The following AP1AR variants were observed in gnomAD, a reference collection of about 807,000 sequenced individuals.
The protein encoded by AP1AR is adaptor related protein complex 1 associated regulatory protein, also known as AP-1 complex-associated regulatory protein.
AP1AR carries 29 observed loss-of-function variants against 46.3 expected under a neutral mutation model. The observed-to-expected ratio is 0.63, with a 90% CI of 0.47 to 0.85. The LOEUF is 0.85. Ranked by LOEUF, AP1AR falls within the 40% of genes least tolerant of loss-of-function variation. The pLI, the probability that AP1AR is intolerant of heterozygous loss-of-function variation, is 0.00. For missense variants in AP1AR, 357 were observed against 356.3 expected (o/e 1.00, Z -0.02); for synonymous variants, 122 against 122.9 (o/e 0.99, Z 0.05).
chr4:112,260,748 C>A lies in AP1AR; in HGVS notation c.186-18C>A. Reference sequence around the variant, plus strand: ...AGTTTTTGTTTTTTCTTTTTCTCCTCCTCCTTTTTTTCTCTAGGCCTCTTA... The same window carrying A: ...AGTTTTTGTTTTTTCTTTTTCTCCTACTCCTTTTTTTCTCTAGGCCTCTTA... On this transcript the variant is annotated intron_variant, in intron 4 of 9. Transcript: ENST00000274000. The A allele has an allele frequency of 6.6e-7, 1 of 1,514,448 alleles. No homozygotes were observed. The highest frequency in any genetic ancestry group is 8.9e-7 in the Non-Finnish European group (1 of 1,120,086). 93.8% of individuals were successfully genotyped at this position (1,514,448 alleles called of 1,614,324 possible). A position where few individuals can be genotyped will look rare whatever the true frequency, so the allele number is the denominator to read the frequency against.
chr4:112,251,734 G>C (rs1345414952), intron 1 of AP1AR, among the ~76,000 whole-genome samples: 1 of 152,180 alleles, frequency 6.6e-6, no homozygotes, highest in Non-Finnish European at 1.5e-5. Context: ...AGAGAGAAGA[G>C]TGGAGGCACT....
At chr4:112,255,249 G>A (rs1041620239) in intron 3 of AP1AR, among the ~76,000 whole-genome samples, 8 of 150,438 alleles carry the variant, frequency 5.3e-5, no homozygotes, top group East Asian at 2.0e-4. Context: ...GTGAGCCACC[G>A]CGCCCAGCCA....
intron 4 of AP1AR, among the ~76,000 whole-genome samples, chr4:112,259,078 A>C (rs1726330945): frequency 6.6e-6 from 1 of 152,200 alleles, no homozygotes; most frequent in South Asian, 2.1e-4. Context: ...AAGAAGAACC[A>C]GGAGAGCTTG....
chr4:112,257,726 T>C, intron 3 of AP1AR, 46 bp from the exon 4 acceptor site: 2 of 1,413,878 alleles, frequency 1.4e-6, no homozygotes, highest in South Asian at 2.6e-5. Flanking sequence ...TTAAATAGAA[T>C]TTAGCTAATG....
chr4:112,249,773 G>A lies in AP1AR; in HGVS notation c.84-3435G>A, dbSNP rs11940354. On this transcript the variant is annotated intron_variant, in intron 1 of 9. Transcript: ENST00000274000. ...TGTGCCAGTCAGCGTGGCCATTACTGAAAAGTTAAAAAGCAATAGATGTTG... is the reference window on the plus strand; with the variant it reads ...TGTGCCAGTCAGCGTGGCCATTACTAAAAAGTTAAAAAGCAATAGATGTTG... Among the ~76,000 whole-genome samples the A allele has an allele frequency of 8.4e-3, 1,284 of 152,216 alleles. 14 individuals are homozygous for A. Among genetic ancestry groups the A allele is most frequent in the African/African-American group, 0.029 (1,198 of 41,516 alleles).
intron 1 of AP1AR, among the ~76,000 whole-genome samples, chr4:112,252,518 A>C (rs956459394): frequency 1.3e-5 from 2 of 152,258 alleles, no homozygotes; most frequent in Non-Finnish European, 2.9e-5. Context: ...TGTAGTACTT[A>C]GAATGTAGAC....
intron 3 of AP1AR, 43 bp downstream of exon 3, chr4:112,254,816 T>A: frequency 9.4e-7 from 1 of 1,066,986 alleles, no homozygotes; most frequent in Non-Finnish European, 1.3e-6. Context: ...TTTGTTTTTC[T>A]CATTAATCGT....
intron 8 of AP1AR, among the ~76,000 whole-genome samples, chr4:112,266,141 T>C (rs1329516266): frequency 6.6e-6 from 1 of 151,828 alleles, no homozygotes; most frequent in Non-Finnish European, 1.5e-5. Context: ...TTTTTACTTA[T>C]TACAGATTGA....
At chr4:112,255,054 G>A (rs945986075) in intron 3 of AP1AR, among the ~76,000 whole-genome samples, 4 of 151,458 alleles carry the variant, frequency 2.6e-5, no homozygotes, top group South Asian at 2.1e-4. Flanking sequence ...TCCGCCTCCC[G>A]GGTCACGCCA....
intron 6 of AP1AR, among the ~76,000 whole-genome samples, chr4:112,264,178 C>G (rs1051389139): frequency 8.6e-5 from 13 of 151,808 alleles, no homozygotes; most frequent in Non-Finnish European, 1.0e-4. Context: ...TAACTTTTAC[C>G]TTCTACTAAG....
rs1362694051 is a variant in AP1AR, at chr4:112,271,612, G to T, written c.*3203G>T. Reference sequence around the variant, plus strand: ...ATGTCTGACAGCCAGCCTAGTAGCTGCAAGTGCCCTTAACTATAACTTCTT... The same window carrying T: ...ATGTCTGACAGCCAGCCTAGTAGCTTCAAGTGCCCTTAACTATAACTTCTT... On this transcript the variant is annotated 3_prime_UTR_variant, in exon 10 of 10. Transcript: ENST00000274000. Among the ~76,000 whole-genome samples, 1 of 152,220 alleles carries T rather than the reference G, an allele frequency of 6.6e-6. No homozygotes were observed. The highest frequency in any genetic ancestry group is 2.4e-5 in the African/African-American group (1 of 41,452).
chr4:112,241,374 A>G (rs1485798550), intron 1 of AP1AR, among the ~76,000 whole-genome samples: 1 of 152,234 alleles, frequency 6.6e-6, no homozygotes, highest in Non-Finnish European at 1.5e-5. Flanking sequence ...TCATATGATT[A>G]TGGAGATTAA....
intron 1 of AP1AR, among the ~76,000 whole-genome samples, chr4:112,233,483 C>A (rs546523723): frequency 2.6e-5 from 4 of 152,334 alleles, no homozygotes; most frequent in African/African-American, 9.6e-5. Context: ...ATGAAACTTA[C>A]AAGGTCAAGC....
intron 1 of AP1AR, 84 bp downstream of exon 1, chr4:112,232,258 C>A: frequency 8.4e-7 from 1 of 1,184,156 alleles, no homozygotes; most frequent in Non-Finnish European, 1.1e-6. Flanking sequence ...CGTCCCCCGG[C>A]GGCTGGAGGT....
chr4:112,261,962 C>T (rs1254432453), intron 5 of AP1AR, among the ~76,000 whole-genome samples: 3 of 150,302 alleles, frequency 2.0e-5, no homozygotes, highest in Non-Finnish European at 4.4e-5. Context: ...GAGCAAGACC[C>T]TGTCTCAAAA....
rs1027801658 is a variant in AP1AR at position 112,265,785 on chromosome 4, G to C, written c.492G>C (p.Gln164His). 9.9e-6 allele frequency: 16 copies of C among 1,609,366 alleles called. No individual in the cohort carries two copies. The highest frequency in any genetic ancestry group is 1.4e-5 in the Non-Finnish European group (16 of 1,177,428). ...FESCLRNMKS[Q>H]YEVFRSSRLS... ...CTTGTTTGAGAAATATGAAGTCACA[G>C]TATGAAGTTTTTCGAAGTAGTAGTA... The change falls in exon 8 of 10, where the codon CAG becomes CAC. Residue 164 changes from glutamine (Q) to histidine (H), a missense_variant. Around this residue, in one of 2 missense-constraint regions of AP1AR, gnomAD observed 269 missense variants for 223.6 expected, o/e 1.20. Coordinates refer to ENST00000274000, the MANE Select transcript of AP1AR (RefSeq NM_018569.6).
chr4:112,270,177 C>A lies in AP1AR; in HGVS notation c.*1768C>A, dbSNP rs914573996. 1.3e-5 allele frequency: 2 copies of A among 152,388 alleles called. No individual in the cohort carries two copies. The highest frequency in any genetic ancestry group is 1.5e-5 in the Non-Finnish European group (1 of 67,974). The allele number at this position is 152,388 out of a possible 1,614,324, so 9.4% of individuals were successfully genotyped here. A position where few individuals can be genotyped will look rare whatever the true frequency, so the allele number is the denominator to read the frequency against. On this transcript the variant is annotated 3_prime_UTR_variant, in exon 10 of 10. Transcript: ENST00000274000. Reference sequence around the variant, plus strand: ...AGTAAATTAAGAAAGCAAGATGGAACTAGAAAATGTGTTTTAACTGTTAAA... The same window carrying A: ...AGTAAATTAAGAAAGCAAGATGGAAATAGAAAATGTGTTTTAACTGTTAAA...
chr4:112,246,212 T>G (rs1436658161), intron 1 of AP1AR, among the ~76,000 whole-genome samples: 1 of 152,134 alleles, frequency 6.6e-6, no homozygotes, highest in Non-Finnish European at 1.5e-5. Flanking sequence ...GTCCCATTAA[T>G]ATATAATTTT....
intron 2 of AP1AR, 57 bp from the exon 3 acceptor site, chr4:112,254,690 T>A: frequency 1.8e-6 from 2 of 1,083,008 alleles, no homozygotes; most frequent in Non-Finnish European, 2.7e-6. Context: ...TAATTTCTTG[T>A]GAGATGTATA....
Sources: allele counts gnomAD v4.1 joint callset (sites outside exome capture counted in the v4.1 genomes callset), GRCh38; gene constraint gnomAD v4.1.1; regional missense constraint gnomAD v4.1.1; transcripts MANE v1.5; gene names NCBI Gene and HGNC (gene_info 2026-07-23, HGNC 2026-07-21).